The following ADPRHL1 variants were observed in gnomAD, a reference collection of about 807,000 sequenced individuals.
The protein encoded by ADPRHL1 is ADP-ribosylhydrolase like 1.
A neutral mutation model predicts 44.1 loss-of-function variants in ADPRHL1; 43 were observed. The observed-to-expected ratio is 0.98, with a 90% confidence interval of 0.76 to 1.26. The LOEUF is 1.26. ADPRHL1 is among the 50% of genes most tolerant of loss of function. The pLI is 0.00. For synonymous variants in ADPRHL1, 878 were observed against 1,017.4 expected (o/e 0.86, Z 2.61); for missense variants, 2,022 against 2,496.9 (o/e 0.81, Z 4.05).
At chr13:113,415,919 A>T (rs1392908010) in intron 7 of ADPRHL1, among the ~76,000 whole-genome samples, 4 of 152,096 alleles carry the variant, frequency 2.6e-5, no homozygotes, top group Non-Finnish European at 5.9e-5. Flanking sequence ...GAGATTACTA[A>T]AGAATCTAAT....
chr13:113,438,643 G>A (rs941483357), intron 2 of ADPRHL1, among the ~76,000 whole-genome samples: 1 of 152,118 alleles, frequency 6.6e-6, no homozygotes, highest in Admixed American at 6.6e-5. Flanking sequence ...GCAGTGAGCC[G>A]AGATTGTGCC....
chr13:113,404,459 G>A lies in ADPRHL1; in HGVS notation c.4823C>T (p.Ala1608Val). Residue 1608 changes from alanine to valine, a missense_variant, in exon 8 of 8, where the codon GCC (alanine) becomes GTC (valine). Ala to Val is a moderately conservative substitution (Grantham distance 64, BLOSUM62 0). Coordinates refer to ENST00000612156, the MANE Select transcript of ADPRHL1 (RefSeq NM_001394807.1). ...GGCCTGTCCCTGAGCCTCTTCCTGG[G>A]CCCATTTCTGAACCTCTCCTTGAAC... ...KQVQGEVQKW[A>V]QEEAQGQAQW... is the part of the protein sequence containing the mutation. 7.7e-7 allele frequency: 1 copy of A among 1,302,718 alleles called. No homozygotes were observed. Among genetic ancestry groups the A allele is most frequent in the Non-Finnish European group, 9.7e-7 (1 of 1,032,800 alleles). The allele number at this position is 1,302,718 out of a possible 1,614,324, so 80.7% of individuals were successfully genotyped here.
chr13:113,424,109 C>T, intron 6 of ADPRHL1, 108 bp downstream of exon 6: 1 of 1,426,594 alleles, frequency 7.0e-7, no homozygotes, highest in Non-Finnish European at 9.4e-7. Flanking sequence ...CATGCTGGAG[C>T]TCAGGAGGTG....
intron 4 of ADPRHL1, 81 bp downstream of exon 4, chr13:113,428,871 G>A: frequency 6.3e-7 from 1 of 1,583,858 alleles, no homozygotes; most frequent in Non-Finnish European, 8.6e-7. Flanking sequence ...AAAGTGCCTT[G>A]AAGTATTTGG....
intron 2 of ADPRHL1, among the ~76,000 whole-genome samples, chr13:113,440,964 C>T (rs1464861117): frequency 6.6e-6 from 1 of 151,978 alleles, no homozygotes; most frequent in East Asian, 1.9e-4. Context: ...GCCAGCCTGG[C>T]CAACATGGCA....
rs9549769 is a variant in ADPRHL1, at chr13:113,404,236, T to C, written c.5046A>G (p.Lys1682=). Residue 1682 remains lysine, a synonymous_variant, in exon 8 of 8, where the codon AAA becomes AAG. Transcript: ENST00000612156. ...AQERAREQAQ[K]GAQERAREQA... ...GTTCCCGAGCCCGTTCCTGAGCCCC[T>C]TTCTGGGCCTGTTCCCGAGCCCGTT... The C allele has an allele frequency of 1.6e-6, 2 of 1,247,384 alleles. No individual in the cohort carries two copies. The highest frequency in any genetic ancestry group is 3.5e-5 in the African/African-American group (2 of 57,868). 77.3% of individuals were successfully genotyped at this position (1,247,384 alleles called of 1,614,324 possible).
chr13:113,404,071 C>CTGAG lies in ADPRHL1; in HGVS notation c.5210_5211insCTCA (p.Glu1738SerfsTer87). ...CCTGAGCCCCTTTCTGGGCCTGTTC[C>CTGAG]CGAGCCCGTTCCTGAGCCCCTTTCT... On this transcript the variant is annotated frameshift_variant, in exon 8 of 8. Transcript: ENST00000612156. LOFTEE classifies it low-confidence loss of function (END_TRUNC). The CTGAG allele has an allele frequency of 7.8e-7, 1 of 1,279,582 alleles. No homozygotes were observed. The allele number at this position is 1,279,582 out of a possible 1,614,324, so 79.3% of individuals were successfully genotyped here. A position where few individuals can be genotyped will look rare whatever the true frequency, so the allele number is the denominator to read the frequency against.
At chr13:113,421,975 A>C (rs2043927103) in intron 7 of ADPRHL1, 2 of 152,260 alleles carry the variant, frequency 1.3e-5, no homozygotes, top group Admixed American at 1.3e-4. Context: ...TTCACACCAG[A>C]TGCTGCATGG....
intron 7 of ADPRHL1, among the ~76,000 whole-genome samples, chr13:113,420,960 C>T (rs1267458198): frequency 2.0e-5 from 2 of 102,030 alleles, no homozygotes; most frequent in Admixed American, 1.1e-4. Context: ...CCCCCCGACA[C>T]GCCCTGGGAC....
At chr13:113,422,698 G>A (rs922080618) in intron 7 of ADPRHL1, 128 bp downstream of exon 7, 7 of 1,153,838 alleles carry the variant, frequency 6.1e-6, no homozygotes, top group Non-Finnish European at 8.6e-6. Context: ...AGAGTTAGAT[G>A]TGGCCAGTCA....
chr13:113,438,969 TAG>T (rs989896185), intron 2 of ADPRHL1, among the ~76,000 whole-genome samples: 9 of 152,226 alleles, frequency 5.9e-5, no homozygotes, highest in South Asian at 2.1e-4. Flanking sequence ...ATTCATTAAA[TAG>T]AGTTTCCTGG....
At chr13:113,439,827 C>G (rs949470394) in intron 2 of ADPRHL1, among the ~76,000 whole-genome samples, 8 of 152,198 alleles carry the variant, frequency 5.3e-5, no homozygotes, top group African/African-American at 1.9e-4. Context: ...TTATGTCTTT[C>G]AAAAACATTT....
rs1398964872 is a variant in ADPRHL1 at position 113,402,735 on chromosome 13, G to C, written c.*643C>G. On this transcript the variant is annotated 3_prime_UTR_variant, in exon 8 of 8. Transcript: ENST00000612156. ...GAGGCCTCTTCCTCCGGATGAGCTGGTTTCGGCCTGGGATCCCAGCGTCCC... is the reference window on the plus strand; with the variant it reads ...GAGGCCTCTTCCTCCGGATGAGCTGCTTTCGGCCTGGGATCCCAGCGTCCC... The C allele has an allele frequency of 6.6e-6, 1 of 152,498 alleles. No homozygotes were observed. The highest frequency in any genetic ancestry group is 2.4e-5 in the African/African-American group (1 of 41,460). 9.4% of individuals were successfully genotyped at this position (152,498 alleles called of 1,614,324 possible). A position where few individuals can be genotyped will look rare whatever the true frequency, so the allele number is the denominator to read the frequency against.
chr13:113,448,817 C>T (rs2044159740), intron 1 of ADPRHL1, among the ~76,000 whole-genome samples: 1 of 152,228 alleles, frequency 6.6e-6, no homozygotes. Flanking sequence ...TCACACTTTG[C>T]TGGTTGCTCC....
intron 3 of ADPRHL1, among the ~76,000 whole-genome samples, chr13:113,432,610 T>C (rs916614714): frequency 6.8e-6 from 1 of 146,158 alleles, no homozygotes; most frequent in Admixed American, 6.9e-5. Flanking sequence ...GCTTAGGCCA[T>C]CTGTCCCCAG....
intron 6 of ADPRHL1, among the ~76,000 whole-genome samples, chr13:113,423,307 C>T (rs1422118708): frequency 6.6e-6 from 1 of 152,054 alleles, no homozygotes; most frequent in African/African-American, 2.4e-5. Context: ...CAGGCGCTTC[C>T]CTTCTCCCTC....
At chr13:113,419,072 C>CTCCCTCCCTCCCTCCCTCCCT (rs2043902271) in intron 7 of ADPRHL1, among the ~76,000 whole-genome samples, 1 of 101,592 alleles carries the variant, frequency 9.8e-6, no homozygotes, top group African/African-American at 3.4e-5. Flanking sequence ...CCTTCACTCC[C>CTCCCTCCCTCCCTCCCTCCCT]TCCTTCCTTC....
chr13:113,452,279 C>T (rs948724024), intron 1 of ADPRHL1, among the ~76,000 whole-genome samples: 6 of 152,304 alleles, frequency 3.9e-5, no homozygotes, highest in Non-Finnish European at 5.9e-5. Flanking sequence ...TCCAGCAAGC[C>T]GGGAGCCTTA....
chr13:113,434,289 A>T (rs2044030107), intron 2 of ADPRHL1, among the ~76,000 whole-genome samples: 1 of 151,968 alleles, frequency 6.6e-6, no homozygotes, highest in Admixed American at 6.6e-5. Context: ...ACATAGGTGT[A>T]CCCCGGGACC....
Sources: allele counts gnomAD v4.1 joint callset (sites outside exome capture counted in the v4.1 genomes callset), GRCh38; gene constraint gnomAD v4.1.1; transcripts MANE v1.5; gene names NCBI Gene and HGNC (gene_info 2026-07-23, HGNC 2026-07-21).